Variants in ACER3 observed in about 807,000 individuals in gnomAD.
The protein encoded by ACER3 is alkCDase 3.
Under a neutral mutation model 48.9 loss-of-function variants are expected in ACER3, and 16 were observed. The ratio of observed to expected loss-of-function variants is 0.33; its 90% CI spans 0.22 to 0.50. ACER3 has a LOEUF of 0.50. ACER3 is among the 20% of genes least tolerant of loss of function. The pLI is 0.98. For synonymous variants in ACER3, 109 were observed against 107.8 expected (o/e 1.01, Z -0.07); for missense variants, 227 against 326.0 (o/e 0.70, Z 2.34).
At chr11:76,965,685 A>G (rs893785828) in intron 3 of ACER3, among the ~76,000 whole-genome samples, 3 of 146,764 alleles carry the variant, frequency 2.0e-5, no homozygotes, top group African/African-American at 5.0e-5. Flanking sequence ...TTTTCAACAC[A>G]GAATTTCATA....
intron 6 of ACER3, among the ~76,000 whole-genome samples, chr11:76,996,109 C>A (rs952094625): frequency 6.6e-6 from 1 of 152,134 alleles, no homozygotes; most frequent in Non-Finnish European, 1.5e-5. Context: ...ACTGTCCATG[C>A]CACAAACCAG....
In ACER3 at chr11:77,017,962, T is replaced by TG. The variant is rs1407460570; in HGVS notation, c.704+1186dup. On this transcript the variant is annotated intron_variant, in intron 9 of 10. Coordinates refer to ENST00000532485, the MANE Select transcript of ACER3 (RefSeq NM_018367.7). ...GATCTTTTTTTTTTTTTTTTTTTTT[T>TG]GGGAGACAGAGTCTCCCCCAAGCTG... is the stretch of plus-strand genomic sequence containing the variant. Among the ~76,000 whole-genome samples, 13 of 68,160 alleles carry TG rather than the reference T, an allele frequency of 1.9e-4. 2 individuals are homozygous for TG. Among genetic ancestry groups the TG allele is most frequent in the African/African-American group, 5.0e-4 (13 of 26,166 alleles). 44.7% of individuals were successfully genotyped at this position (68,160 alleles called of 152,430 possible).
chr11:76,960,692 C>T (rs1947966582), intron 3 of ACER3, among the ~76,000 whole-genome samples: 1 of 152,004 alleles, frequency 6.6e-6, no homozygotes, highest in Admixed American at 6.6e-5. Flanking sequence ...AAGAGAGTGT[C>T]AACATAGGGG....
At chr11:76,883,129 C>T (rs915343658) in intron 1 of ACER3, among the ~76,000 whole-genome samples, 5 of 152,176 alleles carry the variant, frequency 3.3e-5, no homozygotes, top group African/African-American at 1.2e-4. Flanking sequence ...TGTACAGCTC[C>T]CCTTCTTGAA....
intron 1 of ACER3, among the ~76,000 whole-genome samples, chr11:76,915,897 C>T (rs1946515220): frequency 6.6e-6 from 1 of 152,166 alleles, no homozygotes; most frequent in Non-Finnish European, 1.5e-5. Flanking sequence ...GGGAACCACC[C>T]ACATAATCCA....
intron 1 of ACER3, among the ~76,000 whole-genome samples, chr11:76,901,670 A>G (rs1946086432): frequency 6.6e-6 from 1 of 152,186 alleles, no homozygotes; most frequent in Admixed American, 6.5e-5. Context: ...AAGGGGGTGC[A>G]TGCAAGAGGG....
At position 76,875,732 on chromosome 11, in the gene ACER3, G is replaced by GTTTTTTTT. The variant is rs71040037; in HGVS notation, c.103+14670_103+14677dup. ...TTCAATGTAATACACAGTTTTTGTT[G>GTTTTTTTT]TTTTTTTTTTTTTTTTTTTTTTTTG... On this transcript the variant is annotated intron_variant, in intron 1 of 10. Coordinates refer to ENST00000532485, the MANE Select transcript of ACER3 (RefSeq NM_018367.7). Among the ~76,000 whole-genome samples the GTTTTTTTT allele has an allele frequency of 6.9e-3, 463 of 67,156 alleles. 11 individuals carry two copies. The highest frequency in any genetic ancestry group is 0.01 in the East Asian group (20 of 1,974). 44.1% of individuals were successfully genotyped at this position (67,156 alleles called of 152,430 possible). A position where few individuals can be genotyped will look rare whatever the true frequency, so the allele number is the denominator to read the frequency against.
chr11:76,866,521 T>C (rs1298019658), intron 1 of ACER3, among the ~76,000 whole-genome samples: 4 of 152,246 alleles, frequency 2.6e-5, no homozygotes. Flanking sequence ...GTGAAGTTTG[T>C]ACTATATTCA....
At position 77,024,996 on chromosome 11, in the gene ACER3, AC is replaced by A. The variant is rs2135356687; in HGVS notation, c.*4672del. On this transcript the variant is annotated 3_prime_UTR_variant, in exon 11 of 11. Transcript: ENST00000532485. ...CTGCTCTGCATACAGTTCCTTTTCAACCCTTACAAGACCTGCTTCATTGCTT... is the reference window on the plus strand; with the variant it reads ...CTGCTCTGCATACAGTTCCTTTTCAACCTTACAAGACCTGCTTCATTGCTT... 1 of 152,298 alleles carries A rather than the reference AC, an allele frequency of 6.6e-6. No homozygotes were observed. Among genetic ancestry groups the A allele is most frequent in the African/African-American group, 2.4e-5 (1 of 41,546 alleles). 9.4% of individuals were successfully genotyped at this position (152,298 alleles called of 1,614,324 possible).
At chr11:76,968,032 C>T (rs1591006881) in intron 3 of ACER3, among the ~76,000 whole-genome samples, 4 of 152,230 alleles carry the variant, frequency 2.6e-5, no homozygotes, top group South Asian at 2.1e-4. Flanking sequence ...TGATTGTATA[C>T]CTAGAAAACC....
chr11:76,931,953 CT>C (rs11300248), intron 2 of ACER3, among the ~76,000 whole-genome samples: 76,152 of 129,696 alleles, frequency 0.59, 22,043 homozygotes, highest in African/African-American at 0.69. Flanking sequence ...TTTGGAGTTG[CT>C]TTTTTTTTTT....
intron 3 of ACER3, among the ~76,000 whole-genome samples, chr11:76,974,593 A>C (rs1166271840): frequency 6.6e-6 from 1 of 152,226 alleles, no homozygotes; most frequent in Non-Finnish European, 1.5e-5. Flanking sequence ...AACCTGAAAA[A>C]TATCCAGAAG....
chr11:76,982,696 A>G (rs904893186), intron 4 of ACER3, among the ~76,000 whole-genome samples: 3 of 152,166 alleles, frequency 2.0e-5, no homozygotes, highest in African/African-American at 7.2e-5. Context: ...TTTATTTTTT[A>G]AATGTTCATG....
intron 1 of ACER3, among the ~76,000 whole-genome samples, chr11:76,897,757 C>G (rs1945970784): frequency 1.3e-5 from 2 of 152,038 alleles, no homozygotes; most frequent in African/African-American, 4.8e-5. Context: ...AGGAAAACAT[C>G]TTCTAAATAC....
intron 1 of ACER3, among the ~76,000 whole-genome samples, chr11:76,877,672 G>C (rs1172125375): frequency 6.6e-6 from 1 of 152,094 alleles, no homozygotes; most frequent in Non-Finnish European, 1.5e-5. Context: ...CAAATGAAGA[G>C]AATTATGACC....
At chr11:76,993,944 G>A (rs865949901) in intron 6 of ACER3, among the ~76,000 whole-genome samples, 4 of 152,160 alleles carry the variant, frequency 2.6e-5, no homozygotes, top group Non-Finnish European at 1.5e-5. Context: ...TACCAGTCTG[G>A]GGGATGGGGA....
intron 8 of ACER3, among the ~76,000 whole-genome samples, chr11:77,016,092 G>T (rs1329254501): frequency 7.5e-6 from 1 of 133,100 alleles, no homozygotes; most frequent in African/African-American, 2.9e-5. Context: ...GGGCGACAGA[G>T]CAAGACTCCG....
At chr11:76,939,564 C>T (rs1261276333) in intron 2 of ACER3, among the ~76,000 whole-genome samples, 1 of 152,142 alleles carries the variant, frequency 6.6e-6, no homozygotes, top group African/African-American at 2.4e-5. Context: ...CTGCTGCACT[C>T]TAGCCTGGGT....
At position 76,926,407 on chromosome 11, in the gene ACER3, A is replaced by G. The variant is rs117393853; in HGVS notation, c.104-150A>G. Reference sequence around the variant, plus strand: ...TTATTGTGAGAAATTTTTGGTGAGTACAGAATTTTTTTTCAGCACCTTGAA... The same window carrying G: ...TTATTGTGAGAAATTTTTGGTGAGTGCAGAATTTTTTTTCAGCACCTTGAA... On this transcript the variant is annotated intron_variant, in intron 1 of 10. Transcript: ENST00000532485. 3.5e-4 allele frequency: 157 copies of G among 444,788 alleles called. 1 individual carries two copies. The highest frequency in any genetic ancestry group is 3.0e-3 in the East Asian group (83 of 27,908). The allele number at this position is 444,788 out of a possible 1,614,324, so 27.6% of individuals were successfully genotyped here.
Sources: allele counts gnomAD v4.1 joint callset (sites outside exome capture counted in the v4.1 genomes callset), GRCh38; gene constraint gnomAD v4.1.1; transcripts MANE v1.5; gene names NCBI Gene and HGNC (gene_info 2026-07-23, HGNC 2026-07-21).